The following KASH5 variants were observed in gnomAD, a reference collection of about 807,000 sequenced individuals.
KASH5 encodes KASH domain containing 5, also known as protein KASH5.
In KASH5, 72 loss-of-function variants were observed where a neutral mutation model predicts 84.2. That is an observed-to-expected ratio of 0.85 (90% CI 0.71 to 1.04). KASH5 has a LOEUF of 1.04. KASH5 is among the 50% of genes least tolerant of loss of function. The pLI is 0.00. For missense variants in KASH5, 650 were observed against 701.0 expected (o/e 0.93, Z 0.82); for synonymous variants, 260 against 279.1 (o/e 0.93, Z 0.68).
intron 2 of KASH5, among the ~76,000 whole-genome samples, chr19:49,391,165 C>A (rs1042187437): frequency 6.6e-6 from 1 of 152,166 alleles, no homozygotes; most frequent in African/African-American, 2.4e-5. Flanking sequence ...AGAGCGCAAG[C>A]AGCCGCACCC....
chr19:49,396,646 C>G (rs962736293), intron 5 of KASH5, among the ~76,000 whole-genome samples: 1 of 152,156 alleles, frequency 6.6e-6, no homozygotes, highest in African/African-American at 2.4e-5. Context: ...GTAGGCCTTT[C>G]CATTGGAACA....
At chr19:49,413,064 C>A (rs750439472) in intron 16 of KASH5, 38 bp downstream of exon 16, 2 of 1,593,490 alleles carry the variant, frequency 1.3e-6, no homozygotes, top group East Asian at 2.2e-5. Flanking sequence ...CAGGGTGACA[C>A]CTTATTCACA....
Position 49,397,718 on chromosome 19 carries a change from G to A in KASH5, c.467+1G>A. ...GAGGCGAAGACCCCAGACCCGAGCT[G>A]TACCTATCCTCACACCCCTCCCTGA... On this transcript the variant is annotated splice_donor_variant, in intron 6 of 19. Transcript: ENST00000447857. LOFTEE classifies it high-confidence loss of function. 5.0e-6 allele frequency: 8 copies of A among 1,613,450 alleles called. No individual in the cohort carries two copies. The highest frequency in any genetic ancestry group is 6.8e-6 in the Non-Finnish European group (8 of 1,179,722).
chr19:49,407,627 G>A lies in KASH5; in HGVS notation c.949G>A (p.Glu317Lys). Reference protein sequence around the residue: ...TILSERTRDVESLAQTLEEYR... With the variant: ...TILSERTRDVKSLAQTLEEYR... ...GCTTTCCTAGCGCACTCGCGATGTG[G>A]AGAGCCTGGCCCAGACCCTGGAAGA... The change falls in exon 12 of 20, where the codon GAG (glutamate) becomes AAG (lysine). Residue 317 changes from glutamate to lysine, a missense_variant. Transcript: ENST00000447857. The A allele has an allele frequency of 6.2e-7, 1 of 1,601,504 alleles. No individual in the cohort carries two copies. The highest frequency in any genetic ancestry group is 8.5e-7 in the Non-Finnish European group (1 of 1,174,222).
intron 9 of KASH5, among the ~76,000 whole-genome samples, chr19:49,405,823 G>A (rs1194106474): frequency 6.6e-6 from 1 of 151,984 alleles, no homozygotes; most frequent in Non-Finnish European, 1.5e-5. Flanking sequence ...GAGCGTGGTG[G>A]CACATGCCTG....
intron 2 of KASH5, among the ~76,000 whole-genome samples, chr19:49,392,976 CTG>C (rs1974051686): frequency 6.6e-6 from 1 of 151,796 alleles, no homozygotes; most frequent in African/African-American, 2.4e-5. Flanking sequence ...CTCCCCCTAA[CTG>C]TGAGTCCACA....
Position 49,417,115 on chromosome 19 carries a change from G to A in KASH5, c.1439+36G>A, listed in dbSNP as rs776562191. ...CCACAGGGTCCAGGAGGGACACTGGGGCAAGGAAAAACCCAGTGGTGATTC... is the reference window on the plus strand; with the variant it reads ...CCACAGGGTCCAGGAGGGACACTGGAGCAAGGAAAAACCCAGTGGTGATTC... On this transcript the variant is annotated intron_variant, in intron 18 of 19. Transcript: ENST00000447857. This position sits in a 1 kb window ranked among gnomAD's most constrained non-coding sequence, Gnocchi z 5.2. 7 of 1,608,792 alleles carry A rather than the reference G, an allele frequency of 4.4e-6. No individual in the cohort carries two copies. Among genetic ancestry groups the A allele is most frequent in the Admixed American group, 1.7e-5 (1 of 59,294 alleles).
intron 5 of KASH5, among the ~76,000 whole-genome samples, chr19:49,397,289 A>G (rs1974212392): frequency 6.6e-6 from 1 of 150,524 alleles, no homozygotes; most frequent in South Asian, 2.1e-4. Flanking sequence ...GCAGAGAGTC[A>G]GGGGCAGGAG....
intron 9 of KASH5, among the ~76,000 whole-genome samples, chr19:49,403,490 A>G (rs571624065): frequency 1.3e-5 from 2 of 152,322 alleles, no homozygotes; most frequent in Admixed American, 1.3e-4. Flanking sequence ...ACTGGCTGAC[A>G]TAACGCCCCC....
chr19:49,407,059 T>TCTTC (rs2122185340), intron 10 of KASH5, 96 bp downstream of exon 10: 1 of 1,342,760 alleles, frequency 7.4e-7, no homozygotes, highest in East Asian at 2.5e-5. Flanking sequence ...AAGGGCAGGG[T>TCTTC]CTTCCATCAA....
rs889190609 is a variant in KASH5 at position 49,414,663 on chromosome 19, T to C, written c.1329-288T>C. On this transcript the variant is annotated intron_variant, in intron 16 of 19. Coordinates refer to ENST00000447857, the MANE Select transcript of KASH5 (RefSeq NM_144688.5). This position sits in a 1 kb window ranked among gnomAD's most constrained non-coding sequence, Gnocchi z 4.5. ...GGTGAAAATTCCTGTGAAAAATACA[T>C]ATGCAGGACACCCCCCAGGCCCGTC... is the stretch of plus-strand genomic sequence containing the variant. 6.6e-6 allele frequency among the ~76,000 whole-genome samples: 1 copy of C among 151,624 alleles called. No homozygotes were observed. The highest frequency in any genetic ancestry group is 2.4e-5 in the African/African-American group (1 of 41,188).
intron 17 of KASH5, 24 bp downstream of exon 17, chr19:49,415,020 C>T (rs1262698715): frequency 1.2e-6 from 2 of 1,602,930 alleles, no homozygotes; most frequent in Admixed American, 3.4e-5. Context: ...AGCACCCCTC[C>T]CCAGTCCCCA....
In KASH5 at chr19:49,414,317, C is replaced by T. The variant is rs1359192782; in HGVS notation, c.1329-634C>T. 1.3e-5 allele frequency among the ~76,000 whole-genome samples: 2 copies of T among 152,046 alleles called. No individual in the cohort carries two copies. Among genetic ancestry groups the T allele is most frequent in the South Asian group, 2.1e-4 (1 of 4,824 alleles). The stretch of plus-strand genomic sequence containing the variant: ...AGTCCTCCTGGAAGAGGGTCTTGCA[C>T]CTAAGAGGATTCGGCATGGGGAAGA... On this transcript the variant is annotated intron_variant, in intron 16 of 19. Transcript: ENST00000447857. The surrounding 1 kb of genome is among the most constrained non-coding windows in gnomAD (Gnocchi z 4.5).
chr19:49,408,088 G>T (rs961823901), intron 12 of KASH5, among the ~76,000 whole-genome samples: 1 of 151,940 alleles, frequency 6.6e-6, no homozygotes, highest in Admixed American at 6.6e-5. Context: ...GCTAATTTTT[G>T]TGTTTTTAGT....
At chr19:49,394,982 C>T in intron 3 of KASH5, 124 bp from the exon 4 acceptor site, 1 of 715,564 alleles carries the variant, frequency 1.4e-6, no homozygotes, top group Non-Finnish European at 2.3e-6. Context: ...AGTGTGTCTC[C>T]ACTGGGCCAT....
At chr19:49,409,143 G>A in intron 13 of KASH5, 53 bp from the exon 14 acceptor site, 1 of 1,599,284 alleles carries the variant, frequency 6.3e-7, no homozygotes, top group Non-Finnish European at 8.5e-7. Context: ...TGAGCTGACT[G>A]AGTGGCCACC....
chr19:49,407,161 ACAGGTGGGGC>A (rs1026079928), intron 10 of KASH5, 69 bp from the exon 11 acceptor site: 6 of 1,529,972 alleles, frequency 3.9e-6, no homozygotes, highest in African/African-American at 2.7e-5. Flanking sequence ...GTGCGAGAGA[ACAGGTGGGGC>A]CAGGTGGAGG....
chr19:49,397,502 G>T, intron 5 of KASH5, 149 bp from the exon 6 acceptor site: 1 of 669,706 alleles, frequency 1.5e-6, no homozygotes. Flanking sequence ...GGGCTTTACA[G>T]TGGGTATAAC....
chr19:49,391,229 G>A (rs1973994772), intron 2 of KASH5, among the ~76,000 whole-genome samples: 1 of 152,110 alleles, frequency 6.6e-6, no homozygotes, highest in Non-Finnish European at 1.5e-5. Flanking sequence ...ATGTAAAGCA[G>A]CTGCCCTGTG....
Sources: gnomAD v4.1 joint callset for allele counts (sites outside exome capture counted in the v4.1 genomes callset) on GRCh38, gnomAD v4.1.1 for gene constraint, Gnocchi (gnomAD v3.1) non-coding constraint, MANE v1.5 for transcripts, NCBI Gene and HGNC (gene_info 2026-07-23, HGNC 2026-07-21) for gene names.